Variants in GSAP observed in about 807,000 individuals in gnomAD.
The protein encoded by GSAP is gamma-secretase-activating protein.
Under a neutral mutation model 131.7 loss-of-function variants are expected in GSAP, and 118 were observed. That is an observed-to-expected ratio of 0.90 (90% CI 0.77 to 1.04). The LOEUF (loss-of-function observed/expected upper bound fraction) is 1.04. GSAP is among the 50% of genes least tolerant of loss of function. GSAP has a pLI of 0.00. For missense variants in GSAP, 1,019 were observed against 1,013.2 expected (o/e 1.01, Z -0.08); for synonymous variants, 381 against 363.4 (o/e 1.05, Z -0.55).
At chr7:77,348,450 C>G (rs1792235403) in intron 19 of GSAP, among the ~76,000 whole-genome samples, 2 of 152,122 alleles carry the variant, frequency 1.3e-5, no homozygotes, top group African/African-American at 4.8e-5. Flanking sequence ...CTCTCTTGCC[C>G]CCAGTGAATC....
At chr7:77,395,015 T>A (rs1446536215) in intron 5 of GSAP, among the ~76,000 whole-genome samples, 1 of 152,200 alleles carries the variant, frequency 6.6e-6, no homozygotes, top group Admixed American at 6.5e-5. Flanking sequence ...TCACTATAAG[T>A]GCATCAAACT....
At chr7:77,318,948 G>A (rs950952359) in intron 26 of GSAP, among the ~76,000 whole-genome samples, 1 of 151,558 alleles carries the variant, frequency 6.6e-6, no homozygotes, top group African/African-American at 2.4e-5. Context: ...GATAGCATTA[G>A]GAGATGTACC....
intron 17 of GSAP, 127 bp from the exon 18 acceptor site, chr7:77,353,153 C>G: frequency 1.6e-6 from 1 of 626,334 alleles, no homozygotes; most frequent in Non-Finnish European, 2.9e-6. Context: ...ATCCTCAAAA[C>G]GGTAACCATC....
At chr7:77,406,658 A>G (rs1802317055) in intron 1 of GSAP, among the ~76,000 whole-genome samples, 1 of 152,214 alleles carries the variant, frequency 6.6e-6, no homozygotes, top group African/African-American at 2.4e-5. Context: ...AGGCTAAACA[A>G]GAGAAAGTGC....
At position 77,328,641 on chromosome 7, in the gene GSAP, C is replaced by T. The variant is rs747273469; in HGVS notation, c.1734-4G>A. ...TGCTTCTAGGTTAGAAATCACCCTA[C>T]GAAGAAATTAGCCATGTTATTCACA... is the stretch of plus-strand genomic sequence containing the variant. On this transcript the variant is annotated splice_region_variant and splice_polypyrimidine_tract_variant and intron_variant, in intron 21 of 30. Coordinates refer to ENST00000257626, the MANE Select transcript of GSAP (RefSeq NM_017439.4). 1.2e-5 allele frequency: 18 copies of T among 1,559,238 alleles called. 1 individual carries two copies. Among genetic ancestry groups the T allele is most frequent in the Middle Eastern group, 3.4e-4 (2 of 5,968 alleles).
At chr7:77,376,354 T>C (rs113367214) in intron 10 of GSAP, among the ~76,000 whole-genome samples, 14 of 152,332 alleles carry the variant, frequency 9.2e-5, no homozygotes, top group African/African-American at 3.1e-4. Flanking sequence ...ATGACCTACA[T>C]TAACTGGATT....
chr7:77,340,483 C>T (rs1790742548), intron 19 of GSAP, among the ~76,000 whole-genome samples: 1 of 152,174 alleles, frequency 6.6e-6, no homozygotes, highest in African/African-American at 2.4e-5. Flanking sequence ...GACCAACCAG[C>T]CCAAGGAACA....
chr7:77,415,957 T>C (rs1804342482), intron 1 of GSAP: 1 of 379,136 alleles, frequency 2.6e-6, no homozygotes, highest in Admixed American at 4.7e-5. Flanking sequence ...CAAGGGCGAA[T>C]TTCCGCGGGC....
chr7:77,413,435 C>T (rs754409477), intron 1 of GSAP, among the ~76,000 whole-genome samples: 13 of 152,228 alleles, frequency 8.5e-5, no homozygotes, highest in Non-Finnish European at 1.6e-4. Context: ...ACTCACAGCA[C>T]CTGGGACAAG....
At chr7:77,327,950 C>G (rs1474631379) in intron 22 of GSAP, among the ~76,000 whole-genome samples, 3 of 152,200 alleles carry the variant, frequency 2.0e-5, no homozygotes, top group Non-Finnish European at 4.4e-5. Context: ...AAAGCAGCCA[C>G]CTCAGGTACC....
At chr7:77,313,826 CT>C in intron 27 of GSAP, among the ~76,000 whole-genome samples, 1 of 152,306 alleles carries the variant, frequency 6.6e-6, no homozygotes, top group South Asian at 2.1e-4. Context: ...CAAAAATCAT[CT>C]TAAAATACAA....
chr7:77,346,717 GA>G (rs77762551), intron 19 of GSAP, among the ~76,000 whole-genome samples: 117 of 139,958 alleles, frequency 8.4e-4, no homozygotes, highest in African/African-American at 1.7e-3. Context: ...CTCAAAAAAA[GA>G]AAAAAAAAAA....
At chr7:77,407,976 C>T (rs1338847717) in intron 1 of GSAP, among the ~76,000 whole-genome samples, 1 of 152,162 alleles carries the variant, frequency 6.6e-6, no homozygotes, top group Non-Finnish European at 1.5e-5. Context: ...GAACCTTCCC[C>T]ACCACCAAAA....
chr7:77,313,588 C>T (rs1179338340), intron 27 of GSAP, 39 bp from the exon 28 acceptor site: 2 of 962,106 alleles, frequency 2.1e-6, no homozygotes, highest in Non-Finnish European at 3.3e-6. Context: ...AAACAAATAC[C>T]CATTTTGATA....
At chr7:77,401,480 G>A (rs187860725) in intron 3 of GSAP, among the ~76,000 whole-genome samples, 3 of 151,940 alleles carry the variant, frequency 2.0e-5, no homozygotes, top group Admixed American at 1.3e-4. Context: ...TATGAATCCT[G>A]AATTCTACAC....
chr7:77,389,844 T>C (rs866428708), intron 5 of GSAP, among the ~76,000 whole-genome samples: 105 of 152,298 alleles, frequency 6.9e-4, no homozygotes, highest in African/African-American at 2.2e-3. Context: ...TTCTAGATCC[T>C]TGAGGAATCA....
At chr7:77,387,883 T>G (rs1473710071) in intron 5 of GSAP, among the ~76,000 whole-genome samples, 2 of 152,232 alleles carry the variant, frequency 1.3e-5, no homozygotes, top group Non-Finnish European at 2.9e-5. Flanking sequence ...AAAACACAAG[T>G]GGCTTCTGAA....
At chr7:77,346,270 C>CAAAAAAAAAAAAAAAAA (rs1223497863) in intron 19 of GSAP, among the ~76,000 whole-genome samples, 1 of 40,884 alleles carries the variant, frequency 2.4e-5, no homozygotes, top group Admixed American at 2.8e-4. Flanking sequence ...GACTCCATCT[C>CAAAAAAAAAAAAAAAAA]AAAAAAAAAA....
intron 19 of GSAP, among the ~76,000 whole-genome samples, chr7:77,332,202 A>C (rs561924674): frequency 6.6e-6 from 1 of 152,200 alleles, no homozygotes; most frequent in Non-Finnish European, 1.5e-5. Context: ...GTCAAATGCT[A>C]TCCTGTTGTT....
Sources: gnomAD v4.1 joint callset for allele counts (sites outside exome capture counted in the v4.1 genomes callset) on GRCh38, gnomAD v4.1.1 for gene constraint, MANE v1.5 for transcripts, NCBI Gene and HGNC (gene_info 2026-07-23, HGNC 2026-07-21) for gene names.